ZNF420: variants seen among roughly 807,000 people sequenced by gnomAD.
ZNF420 encodes the protein ATM and p53-associated KZNF protein.
A neutral mutation model predicts 44.7 loss-of-function variants in ZNF420; 31 were observed. The observed-to-expected ratio is 0.69, with a 90% CI of 0.52 to 0.94. ZNF420 has a LOEUF of 0.94. Among genes scored for constraint, ZNF420 ranks in the 40% least tolerant of loss-of-function variants. The probability of loss-of-function intolerance (pLI) is 0.00; values close to 1 mark genes in which losing one functional copy is unlikely to be tolerated. For synonymous variants in ZNF420, 245 were observed against 267.4 expected, an observed-to-expected ratio of 0.92 and a Z score of 0.82; for missense variants, 681 against 827.9, an observed-to-expected ratio of 0.82 and a Z score of 2.18.
At position 37,080,379 on chromosome 19, in the gene ZNF420, A is replaced by G. The variant is rs554340769; in HGVS notation, c.-90A>G. On this transcript the variant is annotated 5_prime_UTR_variant, in exon 2 of 5. Transcript: ENST00000337995. ...GAGAAAGAATGGCTGTTTCAGTAGC[A>G]ATGTCCAAGGTGAGTATTTCCTCTT... 6.5e-6 allele frequency: 1 copy of G among 152,760 alleles called. No individual in the cohort carries two copies. The highest frequency in any genetic ancestry group is 2.1e-4 in the South Asian group (1 of 4,824). The allele number at this position is 152,760 out of a possible 1,614,324, so 9.5% of individuals were successfully genotyped here.
At chr19:37,020,154 T>G (rs920059039) in intron 1 of ZNF420, among the ~76,000 whole-genome samples, 1 of 151,008 alleles carries the variant, frequency 6.6e-6, no homozygotes, top group Non-Finnish European at 1.5e-5. Flanking sequence ...GAGGCGGAGC[T>G]TGCAGTGAGC....
upstream of ZNF420, chr19:37,075,037 A>C (rs142953098): frequency 6.6e-6 from 1 of 152,246 alleles, no homozygotes; most frequent in Non-Finnish European, 1.5e-5. Flanking sequence ...AAGAAGTTCA[A>C]AATCATTTGC....
At chr19:37,118,096 C>T (rs567085618) in intron 4 of ZNF420, among the ~76,000 whole-genome samples, 1 of 151,904 alleles carries the variant, frequency 6.6e-6, no homozygotes, top group East Asian at 1.9e-4. Flanking sequence ...AGGCAGGCCA[C>T]CATTCAGATT....
upstream of ZNF420, among the ~76,000 whole-genome samples, chr19:37,077,541 T>C (rs139558607): frequency 6.6e-6 from 1 of 152,204 alleles, no homozygotes; most frequent in East Asian, 1.9e-4. Flanking sequence ...TTTGATCCAA[T>C]AGAAAAATGA....
At chr19:37,072,469 AT>A (rs1033890388) in intron 1 of ZNF420, among the ~76,000 whole-genome samples, 23 of 152,202 alleles carry the variant, frequency 1.5e-4, no homozygotes, top group African/African-American at 5.3e-4. Context: ...GTAAATTTTA[AT>A]TTGGGGGAGA....
intron 1 of ZNF420, among the ~76,000 whole-genome samples, chr19:37,039,571 T>C (rs1967416269): frequency 6.6e-6 from 1 of 152,230 alleles, no homozygotes; most frequent in Non-Finnish European, 1.5e-5. Flanking sequence ...CATCCAAGTG[T>C]TGTTCCACTT....
chr19:37,010,788 A>G (rs1459372069), intron 1 of ZNF420, among the ~76,000 whole-genome samples: 3 of 151,970 alleles, frequency 2.0e-5, no homozygotes, highest in Non-Finnish European at 4.4e-5. Context: ...CTGAAATTTC[A>G]TCTCCATCCT....
intron 1 of ZNF420, among the ~76,000 whole-genome samples, chr19:37,020,737 T>C (rs2074642385): frequency 6.6e-6 from 1 of 152,200 alleles, no homozygotes; most frequent in Non-Finnish European, 1.5e-5. Context: ...AATTCTGACA[T>C]ATGCTGCAAC....
intron 1 of ZNF420, among the ~76,000 whole-genome samples, chr19:37,026,895 G>A (rs1967170775): frequency 1.3e-5 from 2 of 152,104 alleles, no homozygotes. Context: ...TAAGAAGAAA[G>A]GAACAAAATA....
chr19:37,068,030 C>T (rs1967998301), intron 1 of ZNF420, among the ~76,000 whole-genome samples: 1 of 151,888 alleles, frequency 6.6e-6, no homozygotes, highest in Non-Finnish European at 1.5e-5. Context: ...CTTACACACA[C>T]ACATACATAT....
chr19:37,126,008 A>G (rs1971326814), intron 4 of ZNF420, among the ~76,000 whole-genome samples: 1 of 152,184 alleles, frequency 6.6e-6, no homozygotes, highest in South Asian at 2.1e-4. Flanking sequence ...AGCTTTTTCT[A>G]GAATCATAAG....
At chr19:37,021,373 T>G (rs2074647340) in intron 1 of ZNF420, among the ~76,000 whole-genome samples, 1 of 152,198 alleles carries the variant, frequency 6.6e-6, no homozygotes, top group African/African-American at 2.4e-5. Context: ...GCTCAAGTGA[T>G]TCTTCTGCCT....
chr19:37,014,009 C>T (rs1211649571), intron 1 of ZNF420, among the ~76,000 whole-genome samples: 1 of 152,118 alleles, frequency 6.6e-6, no homozygotes, highest in African/African-American at 2.4e-5. Flanking sequence ...CGGAAGAAAG[C>T]CAAGGAAAAG....
intron 1 of ZNF420, among the ~76,000 whole-genome samples, chr19:37,055,590 A>G (rs1017520116): frequency 6.6e-6 from 1 of 152,222 alleles, no homozygotes; most frequent in South Asian, 2.1e-4. Context: ...TCCAAGGGCA[A>G]AGCACGAGTC....
chr19:37,091,134 G>T lies in ZNF420; in HGVS notation c.136+13G>T, dbSNP rs752049370. On this transcript the variant is annotated intron_variant, in intron 4 of 4. Coordinates refer to ENST00000337995, the MANE Select transcript of ZNF420 (RefSeq NM_144689.5). ...TTGGTATCACTAGGTAAGGAATCTA[G>T]CCTTCATATTTCAGGATCTACCTTT... 29 of 1,552,266 alleles carry T rather than the reference G, an allele frequency of 1.9e-5. No individual in the cohort carries two copies. The South Asian group carries it at 3.6e-4, about 19-fold the overall frequency.
chr19:37,080,639 T>G (rs1302924704), intron 2 of ZNF420, among the ~76,000 whole-genome samples: 2 of 152,182 alleles, frequency 1.3e-5, no homozygotes, highest in African/African-American at 4.8e-5. Flanking sequence ...ATTGTGTTAT[T>G]TAAAAAGGGA....
intron 1 of ZNF420, among the ~76,000 whole-genome samples, chr19:37,033,253 CTAAA>C (rs955951897): frequency 4.7e-4 from 72 of 152,318 alleles, no homozygotes; most frequent in African/African-American, 1.7e-3. Context: ...TTCAGTGTCA[CTAAA>C]TACAATCACA....
intron 1 of ZNF420, among the ~76,000 whole-genome samples, chr19:37,056,404 C>T (rs952835126): frequency 3.3e-5 from 5 of 152,128 alleles, no homozygotes; most frequent in African/African-American, 9.7e-5. Flanking sequence ...CATATGGGCT[C>T]GGTGACACAC....
chr19:37,105,403 C>T (rs1970019190), intron 4 of ZNF420, among the ~76,000 whole-genome samples: 1 of 152,068 alleles, frequency 6.6e-6, no homozygotes, highest in African/African-American at 2.4e-5. Context: ...TTACTGTAGC[C>T]TTGTAGTATA....
Sources: gnomAD v4.1 joint callset for allele counts (sites outside exome capture counted in the v4.1 genomes callset) on GRCh38, gnomAD v4.1.1 for gene constraint, MANE v1.5 for transcripts, NCBI Gene and HGNC (gene_info 2026-07-23, HGNC 2026-07-21) for gene names.